Variants in KLHL1 observed in about 807,000 individuals in gnomAD.
The protein encoded by KLHL1 is kelch-like protein 1.
In KLHL1, 47 loss-of-function variants were observed where a neutral mutation model predicts 77.7. The observed-to-expected ratio is 0.60, with a 90% CI of 0.48 to 0.77. The LOEUF (loss-of-function observed/expected upper bound fraction) is 0.77, where lower values mean the gene tolerates loss of function less well. KLHL1 is among the 30% of genes least tolerant of loss of function. The pLI is 0.00. For missense variants in KLHL1, 925 were observed against 910.8 expected, an observed-to-expected ratio of 1.02 and a Z score of -0.20; for synonymous variants, 360 against 325.2, an observed-to-expected ratio of 1.11 and a Z score of -1.15.
rs1345614659 is a variant in KLHL1, at chr13:69,757,984, T to C, written c.1640-17428A>G. The stretch of plus-strand genomic sequence containing the variant: ...AAAAAAAAAAAAAAAAAAAAAAAAA[T>C]CACAGGCCATTGCAATAACTATCAT... On this transcript the variant is annotated intron_variant, in intron 7 of 10. Coordinates refer to ENST00000377844, the MANE Select transcript of KLHL1 (RefSeq NM_020866.3). 5.9e-5 allele frequency among the ~76,000 whole-genome samples: 7 copies of C among 119,654 alleles called. No homozygotes were observed. The East Asian group carries it at 2.0e-3, about 34-fold the overall frequency. 78.5% of individuals were successfully genotyped at this position (119,654 alleles called of 152,430 possible). A position where few individuals can be genotyped will look rare whatever the true frequency, so the allele number is the denominator to read the frequency against.
intron 5 of KLHL1, among the ~76,000 whole-genome samples, chr13:69,869,728 A>C (rs183623910): frequency 6.6e-6 from 1 of 152,320 alleles, no homozygotes; most frequent in Admixed American, 6.5e-5. Flanking sequence ...AAATCTTAGT[A>C]GTAACTGTTT....
intron 1 of KLHL1, among the ~76,000 whole-genome samples, chr13:70,041,542 T>G (rs1424663921): frequency 6.6e-6 from 1 of 152,142 alleles, no homozygotes. Context: ...CTCCCTATTT[T>G]TGTTTCTACT....
chr13:70,042,754 C>A (rs1886406598), intron 1 of KLHL1, among the ~76,000 whole-genome samples: 1 of 152,084 alleles, frequency 6.6e-6, no homozygotes, highest in Non-Finnish European at 1.5e-5. Context: ...AACTGTAAAA[C>A]AGCCTCAGGC....
intron 5 of KLHL1, among the ~76,000 whole-genome samples, chr13:69,853,029 T>C (rs1027584472): frequency 2.0e-5 from 3 of 152,004 alleles, no homozygotes; most frequent in Non-Finnish European, 4.4e-5. Flanking sequence ...TATTTTCTAG[T>C]ACTTACAGTT....
chr13:69,782,771 T>C (rs1255843722), intron 7 of KLHL1, among the ~76,000 whole-genome samples: 1 of 152,214 alleles, frequency 6.6e-6, no homozygotes, highest in Non-Finnish European at 1.5e-5. Context: ...CAGTAACCTC[T>C]ACAGACTTAA....
chr13:70,008,530 T>C (rs1246514880), intron 1 of KLHL1, among the ~76,000 whole-genome samples: 1 of 152,114 alleles, frequency 6.6e-6, no homozygotes, highest in Admixed American at 6.6e-5. Flanking sequence ...CCATTTGATA[T>C]ATACATTAAA....
intron 4 of KLHL1, among the ~76,000 whole-genome samples, chr13:69,921,463 T>C (rs919196424): frequency 2.0e-5 from 3 of 152,188 alleles, no homozygotes; most frequent in Admixed American, 6.5e-5. Context: ...TCCAGACTTA[T>C]AATTATTTCT....
At chr13:69,943,883 G>C (rs1186404678) in intron 3 of KLHL1, among the ~76,000 whole-genome samples, 2 of 152,132 alleles carry the variant, frequency 1.3e-5, no homozygotes, top group African/African-American at 4.8e-5. Context: ...AAAATCAGAC[G>C]GAAGACCTAC....
At chr13:69,919,513 A>C (rs2062508603) in intron 4 of KLHL1, among the ~76,000 whole-genome samples, 1 of 152,048 alleles carries the variant, frequency 6.6e-6, no homozygotes, top group African/African-American at 2.4e-5. Context: ...AAGATTAATG[A>C]AACAGGTGGC....
At chr13:69,897,897 G>A (rs1373449181) in intron 4 of KLHL1, among the ~76,000 whole-genome samples, 1 of 152,194 alleles carries the variant, frequency 6.6e-6, no homozygotes, top group Non-Finnish European at 1.5e-5. Context: ...ACCATTCCCT[G>A]TGGTTACTGA....
intron 1 of KLHL1, among the ~76,000 whole-genome samples, chr13:70,005,285 T>C (rs912556844): frequency 6.6e-6 from 1 of 152,020 alleles, no homozygotes; most frequent in African/African-American, 2.4e-5. Flanking sequence ...CAAATATTTA[T>C]CTTACCAAAT....
At chr13:70,104,566 G>T (rs1465980084) in intron 1 of KLHL1, among the ~76,000 whole-genome samples, 2 of 152,074 alleles carry the variant, frequency 1.3e-5, no homozygotes, top group Non-Finnish European at 2.9e-5. Flanking sequence ...TCAATAAAAT[G>T]AATAAAGATA....
At chr13:69,956,272 G>A (rs1396070324) in intron 3 of KLHL1, among the ~76,000 whole-genome samples, 1 of 149,644 alleles carries the variant, frequency 6.7e-6, no homozygotes, top group Non-Finnish European at 1.5e-5. Flanking sequence ...TTAAAGGTAA[G>A]GAACATGTAT....
At chr13:69,797,401 T>G (rs2138039433) in intron 6 of KLHL1, among the ~76,000 whole-genome samples, 1 of 152,346 alleles carries the variant, frequency 6.6e-6, no homozygotes, top group Non-Finnish European at 1.5e-5. Flanking sequence ...AATAAAATAT[T>G]ACCATGTTTT....
intron 8 of KLHL1, among the ~76,000 whole-genome samples, chr13:69,737,295 G>C (rs141534115): frequency 1.2e-3 from 179 of 152,342 alleles, no homozygotes; most frequent in African/African-American, 4.0e-3. Context: ...GCAGGCACTG[G>C]ACACAGGAGT....
chr13:70,102,636 C>T (rs535138525), intron 1 of KLHL1, among the ~76,000 whole-genome samples: 4 of 151,892 alleles, frequency 2.6e-5, no homozygotes, highest in Non-Finnish European at 5.9e-5. Flanking sequence ...TCAGATACAA[C>T]GGGTTAAAGT....
intron 5 of KLHL1, among the ~76,000 whole-genome samples, chr13:69,874,676 T>G (rs1880702993): frequency 6.6e-6 from 1 of 152,144 alleles, no homozygotes; most frequent in South Asian, 2.1e-4. Flanking sequence ...TCTTGCACTT[T>G]GTGTCCTCTT....
intron 1 of KLHL1, among the ~76,000 whole-genome samples, chr13:70,105,117 C>T (rs911905423): frequency 2.6e-5 from 4 of 151,988 alleles, no homozygotes; most frequent in African/African-American, 9.7e-5. Context: ...ATAGTTTACA[C>T]ATGCCTAATC....
intron 6 of KLHL1, among the ~76,000 whole-genome samples, chr13:69,832,326 T>G (rs1878793469): frequency 6.7e-6 from 1 of 149,760 alleles, no homozygotes; most frequent in South Asian, 2.1e-4. Flanking sequence ...GAGAATTAAA[T>G]CAAGAAATCA....
Sources: allele counts gnomAD v4.1 joint callset (sites outside exome capture counted in the v4.1 genomes callset), GRCh38; gene constraint gnomAD v4.1.1; transcripts MANE v1.5; gene names NCBI Gene and HGNC (gene_info 2026-07-23, HGNC 2026-07-21).